The following TMEM244 variants were observed in gnomAD, a reference collection of about 807,000 sequenced individuals.
The protein encoded by TMEM244 is putative transmembrane protein 244.
Under a neutral mutation model 15.8 loss-of-function variants are expected in TMEM244, and 13 were observed. The observed-to-expected ratio is 0.82, with a 90% CI of 0.53 to 1.30. TMEM244 has a LOEUF of 1.30. Ranked by LOEUF, TMEM244 falls within the 50% of genes most tolerant of loss-of-function variation. The probability of loss-of-function intolerance (pLI) is 0.00; values close to 1 mark genes in which losing one functional copy is unlikely to be tolerated. For synonymous variants in TMEM244, 45 were observed against 48.7 expected (o/e 0.92, Z 0.32); for missense variants, 161 against 144.9 (o/e 1.11, Z -0.57).
chr6:129,850,134 T>C (rs751961344), intron 1 of TMEM244, among the ~76,000 whole-genome samples: 5 of 152,160 alleles, frequency 3.3e-5, no homozygotes, highest in African/African-American at 4.8e-5. Flanking sequence ...ACTCAACCCT[T>C]ATGCTACTTA....
intron 1 of TMEM244, among the ~76,000 whole-genome samples, chr6:129,849,446 G>A (rs890169597): frequency 2.6e-5 from 4 of 151,876 alleles, no homozygotes; most frequent in African/African-American, 9.7e-5. Context: ...GTCTTTTTAG[G>A]CCCTCACATC....
intron 1 of TMEM244, among the ~76,000 whole-genome samples, chr6:129,858,946 C>A (rs1287391352): frequency 6.6e-6 from 1 of 152,038 alleles, no homozygotes; most frequent in Non-Finnish European, 1.5e-5. Context: ...AGGTGTGCAC[C>A]ACCACACCCA....
intron 1 of TMEM244, among the ~76,000 whole-genome samples, chr6:129,854,267 T>C (rs1776674243): frequency 2.0e-5 from 3 of 152,150 alleles, no homozygotes; most frequent in South Asian, 4.1e-4. Flanking sequence ...AATAGAAGGC[T>C]GGCCCTACCG....
chr6:129,842,058 C>G (rs1300242034), intron 3 of TMEM244, among the ~76,000 whole-genome samples: 1 of 152,162 alleles, frequency 6.6e-6, no homozygotes, highest in East Asian at 1.9e-4. Flanking sequence ...CGACTGTAAA[C>G]TCTGCCAGCC....
At chr6:129,855,653 C>A (rs1776695585) in intron 1 of TMEM244, among the ~76,000 whole-genome samples, 1 of 152,190 alleles carries the variant, frequency 6.6e-6, no homozygotes, top group Admixed American at 6.5e-5. Flanking sequence ...TAGTAACCTA[C>A]TCTGAATTTG....
In TMEM244 at chr6:129,843,575, A is replaced by T. The variant is rs779881033; in HGVS notation, c.148T>A (p.Phe50Ile). 6.2e-7 allele frequency: 1 copy of T among 1,612,562 alleles called. No individual in the cohort carries two copies. Among genetic ancestry groups the T allele is most frequent in the Non-Finnish European group, 8.5e-7 (1 of 1,178,886 alleles). ...EVHELNVLAP[F>I]DFKTNPSWLN... ...CATGAGGGATTTGTTTTGAAATCAA[A>T]TGGAGCCAGGACATTCAACTCATGC... Residue 50 changes from phenylalanine to isoleucine, a missense_variant, in exon 3 of 5, where the codon TTT (phenylalanine) becomes ATT (isoleucine). Physicochemically the swap from Phe to Ile is conservative, Grantham distance 21. Transcript: ENST00000368143.
chr6:129,837,930 T>C (rs938908043), intron 3 of TMEM244, among the ~76,000 whole-genome samples: 6 of 152,298 alleles, frequency 3.9e-5, no homozygotes, highest in East Asian at 3.9e-4. Context: ...AGCAAGTCCT[T>C]AGGGACCTAC....
chr6:129,853,572 G>T (rs1776663526), intron 1 of TMEM244, among the ~76,000 whole-genome samples: 2 of 151,908 alleles, frequency 1.3e-5, no homozygotes, highest in Non-Finnish European at 2.9e-5. Context: ...TCAGAAAACG[G>T]TCTGCTACAA....
At chr6:129,846,003 G>A (rs1776556022) in intron 1 of TMEM244, 151 bp from the exon 2 acceptor site, 2 of 572,298 alleles carry the variant, frequency 3.5e-6, no homozygotes, top group South Asian at 5.1e-5. Flanking sequence ...TGACTTCAAA[G>A]TGCCCATCTT....
At chr6:129,849,548 G>A (rs906653771) in intron 1 of TMEM244, among the ~76,000 whole-genome samples, 6 of 152,086 alleles carry the variant, frequency 3.9e-5, no homozygotes, top group Non-Finnish European at 7.3e-5. Context: ...GGTCCAAGCC[G>A]TAGGATGCAG....
rs141753136 is a variant in TMEM244 at position 129,841,625 on chromosome 6, T to C, written c.193+1905A>G. The stretch of plus-strand genomic sequence containing the variant: ...CAAGATTTTAACTTTCAGGTCAGTC[T>C]GTTTTCTTCTCCATAAATTGGAATA... On this transcript the variant is annotated intron_variant, in intron 3 of 4. Transcript: ENST00000368143. 4.6e-3 allele frequency among the ~76,000 whole-genome samples: 697 copies of C among 152,268 alleles called. 4 individuals are homozygous for C. Among genetic ancestry groups the C allele is most frequent in the African/African-American group, 0.016 (663 of 41,552 alleles).
intron 3 of TMEM244, 135 bp from the exon 4 acceptor site, chr6:129,833,720 A>G (rs745853836): frequency 1.9e-5 from 16 of 839,888 alleles, no homozygotes; most frequent in African/African-American, 3.5e-5. Context: ...TCCATTTCCT[A>G]ACAATCCTCA....
At chr6:129,846,806 G>A (rs1056084045) in intron 1 of TMEM244, among the ~76,000 whole-genome samples, 2 of 152,132 alleles carry the variant, frequency 1.3e-5, no homozygotes, top group Non-Finnish European at 2.9e-5. Flanking sequence ...AGAATTTACA[G>A]AGCAATTTGG....
chr6:129,835,549 T>C (rs140762811), intron 3 of TMEM244, among the ~76,000 whole-genome samples: 344 of 152,210 alleles, frequency 2.3e-3, no homozygotes, highest in Non-Finnish European at 4.5e-3. Context: ...TCATTGGGAC[T>C]GGTTGGACAG....
intron 1 of TMEM244, among the ~76,000 whole-genome samples, chr6:129,857,798 T>TTA (rs540005436): frequency 0.072 from 10,688 of 149,398 alleles, 439 homozygotes; most frequent in Non-Finnish European, 0.091. Context: ...GTGTGGTTTT[T>TTA]TATATATATA....
At chr6:129,848,038 T>C (rs1776584623) in intron 1 of TMEM244, among the ~76,000 whole-genome samples, 1 of 152,040 alleles carries the variant, frequency 6.6e-6, no homozygotes, top group African/African-American at 2.4e-5. Context: ...CCTCAGAAAG[T>C]GCGGGGATTA....
chr6:129,853,206 G>T (rs1252749741), intron 1 of TMEM244, among the ~76,000 whole-genome samples: 1 of 152,002 alleles, frequency 6.6e-6, no homozygotes, highest in Non-Finnish European at 1.5e-5. Flanking sequence ...TCTCCTCTTT[G>T]GTGCTCCAGC....
intron 3 of TMEM244, among the ~76,000 whole-genome samples, chr6:129,838,195 A>G (rs1776435770): frequency 6.6e-6 from 1 of 152,206 alleles, no homozygotes; most frequent in Non-Finnish European, 1.5e-5. Context: ...CAGCAAATGT[A>G]AAAGAACAGA....
chr6:129,835,665 A>G (rs564454379), intron 3 of TMEM244, among the ~76,000 whole-genome samples: 9 of 152,290 alleles, frequency 5.9e-5, no homozygotes, highest in Non-Finnish European at 1.2e-4. Flanking sequence ...GGAAGCCATG[A>G]CAGACTGTAT....
Sources: allele counts gnomAD v4.1 joint callset (sites outside exome capture counted in the v4.1 genomes callset), GRCh38; gene constraint gnomAD v4.1.1; transcripts MANE v1.5; gene names NCBI Gene and HGNC (gene_info 2026-07-23, HGNC 2026-07-21).